Variants in INPP5D observed in about 807,000 individuals in gnomAD.
INPP5D encodes phosphatidylinositol 3,4,5-trisphosphate 5-phosphatase 1.
Under a neutral mutation model 122.9 loss-of-function variants are expected in INPP5D, and 33 were observed. That is an observed-to-expected ratio of 0.27 (90% CI 0.20 to 0.36). The LOEUF is 0.36. INPP5D is among the 10% of genes least tolerant of loss of function. The pLI is 1.00. For missense variants in INPP5D, 1,053 were observed against 1,412.7 expected, an observed-to-expected ratio of 0.75 and a Z score of 4.08; for synonymous variants, 584 against 576.2, an observed-to-expected ratio of 1.01 and a Z score of -0.19.
chr2:233,090,011 C>T lies in INPP5D; in HGVS notation c.198+10613C>T, dbSNP rs1466894079. Among the ~76,000 whole-genome samples, 6 of 152,202 alleles carry T rather than the reference C, an allele frequency of 3.9e-5. 1 individual carries two copies. Among genetic ancestry groups the T allele is most frequent in the Admixed American group, 3.3e-4 (5 of 15,288 alleles). ...TCCCCCCGCCCAGCGTCCACATCCT[C>T]GCATTGTGGGGTGGTAGGCGACCCG... On this transcript the variant is annotated intron_variant, in intron 2 of 26. Transcript: ENST00000445964.
Position 233,201,011 on chromosome 2 carries a change from G to A in INPP5D, c.2975+2635G>A, listed in dbSNP as rs372743446. On this transcript the variant is annotated intron_variant, in intron 25 of 26. Coordinates refer to ENST00000445964, the MANE Select transcript of INPP5D (RefSeq NM_001017915.3). Reference sequence around the variant, plus strand: ...AAATAAATAAATAAATAAATAAATAGATGAGAGGAAGTCAGGAAGAGAGAG... The same window carrying A: ...AAATAAATAAATAAATAAATAAATAAATGAGAGGAAGTCAGGAAGAGAGAG... Among the ~76,000 whole-genome samples, 446 of 135,986 alleles carry A rather than the reference G, an allele frequency of 3.3e-3. 3 individuals are homozygous for A. Among genetic ancestry groups the A allele is most frequent in the Non-Finnish European group, 4.4e-3 (273 of 61,454 alleles). The allele number at this position is 135,986 out of a possible 152,430, so 89.2% of individuals were successfully genotyped here. A position where few individuals can be genotyped will look rare whatever the true frequency, so the allele number is the denominator to read the frequency against.
chr2:233,169,970 C>G, intron 14 of INPP5D, 56 bp from the exon 15 acceptor site: 1 of 1,610,366 alleles, frequency 6.2e-7, no homozygotes, highest in Non-Finnish European at 8.5e-7. Context: ...CTTCCTGCCA[C>G]AGTGGAGGGG....
chr2:233,130,751 C>G (rs1030139149), intron 5 of INPP5D, 103 bp downstream of exon 5: 3 of 1,190,030 alleles, frequency 2.5e-6, no homozygotes, highest in Admixed American at 1.9e-5. Flanking sequence ...ACAAATGCCT[C>G]TGCCGCACTC....
intron 13 of INPP5D, among the ~76,000 whole-genome samples, chr2:233,166,944 A>G (rs1316686431): frequency 3.3e-5 from 5 of 151,826 alleles, no homozygotes. Flanking sequence ...AGATCATGCC[A>G]CTGCACTCCA....
intron 2 of INPP5D, among the ~76,000 whole-genome samples, chr2:233,101,871 C>A (rs1407865129): frequency 1.3e-5 from 2 of 151,250 alleles, no homozygotes. Context: ...TTCTACCTGC[C>A]TGGTCTGCTT....
chr2:233,147,429 C>T, intron 8 of INPP5D, 42 bp from the exon 9 acceptor site: 1 of 700,772 alleles, frequency 1.4e-6, no homozygotes, highest in Non-Finnish European at 2.6e-6. Context: ...TGCAAAAGCC[C>T]AGGCAGAAAA....
At chr2:233,114,632 C>T (rs962363535) in intron 2 of INPP5D, among the ~76,000 whole-genome samples, 9 of 152,146 alleles carry the variant, frequency 5.9e-5, no homozygotes, top group African/African-American at 1.4e-4. Context: ...CAGTGGGCTC[C>T]GAGACCTGGA....
At chr2:233,158,542 A>G (rs1007612406) in intron 10 of INPP5D, 123 bp downstream of exon 10, 2 of 540,548 alleles carry the variant, frequency 3.7e-6, no homozygotes, top group Non-Finnish European at 6.6e-6. Flanking sequence ...AACCCATTTC[A>G]CACCTGGGAA....
chr2:233,137,097 A>ATTG (rs2106269679), intron 5 of INPP5D, among the ~76,000 whole-genome samples: 1 of 152,360 alleles, frequency 6.6e-6, no homozygotes, highest in South Asian at 2.1e-4. Flanking sequence ...TTAAATCCAA[A>ATTG]AAGCTAATCA....
chr2:233,095,203 A>T (rs116334683), intron 2 of INPP5D, among the ~76,000 whole-genome samples: 189 of 152,302 alleles, frequency 1.2e-3, no homozygotes, highest in Non-Finnish European at 2.2e-3. Context: ...TTGTTGTAGG[A>T]TAGTTTTTGG....
intron 1 of INPP5D, among the ~76,000 whole-genome samples, chr2:233,070,628 A>G (rs1691353499): frequency 6.6e-6 from 1 of 151,944 alleles, no homozygotes; most frequent in Non-Finnish European, 1.5e-5. Flanking sequence ...TTTTTAGTAG[A>G]GACGGGGTCT....
At chr2:233,156,058 A>G (rs1241014058) in intron 9 of INPP5D, among the ~76,000 whole-genome samples, 3 of 152,258 alleles carry the variant, frequency 2.0e-5, no homozygotes, top group African/African-American at 7.2e-5. Flanking sequence ...ACACATGCAT[A>G]GGATGAAGTC....
chr2:233,153,736 A>T (rs1240443902), intron 9 of INPP5D, among the ~76,000 whole-genome samples: 1 of 152,192 alleles, frequency 6.6e-6, no homozygotes, highest in South Asian at 2.1e-4. Context: ...CTCCTTTGGC[A>T]GAAGATTGGA....
chr2:233,204,410 C>T lies in INPP5D; in HGVS notation c.3260C>T (p.Thr1087Met), dbSNP rs755227267. Reference sequence around the variant, plus strand: ...CCCGCGCCCCGGCTGCGCTCCTTCACGTGCTCATCCTCTGCCGAGGGCAGG... The same window carrying T: ...CCCGCGCCCCGGCTGCGCTCCTTCATGTGCTCATCCTCTGCCGAGGGCAGG... ...QVPAPRLRSF[T>M]CSSSAEGRAA... The change falls in exon 26 of 27, where the codon ACG (threonine) becomes ATG (methionine). Residue 1087 changes from threonine to methionine, a missense_variant. Around this residue, in one of 6 missense-constraint regions of INPP5D, gnomAD observed 417 missense variants for 425.8 expected, o/e 0.98. Transcript: ENST00000445964. 1 of 1,610,256 alleles carries T rather than the reference C, an allele frequency of 6.2e-7. No individual in the cohort carries two copies.
chr2:233,087,310 ATATTATATTTATT>A (rs917902604), intron 2 of INPP5D, among the ~76,000 whole-genome samples: 1 of 151,696 alleles, frequency 6.6e-6, no homozygotes, highest in African/African-American at 2.4e-5. Flanking sequence ...ACCTGATTTT[ATATTATATTTATT>A]TATTTATTTA....
At chr2:233,200,188 C>T (rs1326619865) in intron 25 of INPP5D, among the ~76,000 whole-genome samples, 1 of 152,226 alleles carries the variant, frequency 6.6e-6, no homozygotes, top group African/African-American at 2.4e-5. Flanking sequence ...CCGGGCTACG[C>T]AGCCGAGGAA....
intron 2 of INPP5D, among the ~76,000 whole-genome samples, chr2:233,081,814 C>T (rs1347049558): frequency 6.6e-6 from 1 of 152,040 alleles, no homozygotes; most frequent in African/African-American, 2.4e-5. Context: ...CTCTGTGGGG[C>T]CGCTCTTCCC....
In INPP5D at chr2:233,204,172, G is replaced by A; in HGVS notation, c.3022G>A (p.Asp1008Asn). Residue 1008 changes from aspartate (D) to asparagine (N), a missense_variant, in exon 26 of 27, where the codon GAC becomes AAC. Physicochemically the swap from Asp to Asn is conservative, Grantham distance 23. Coordinates refer to ENST00000445964, the MANE Select transcript of INPP5D (RefSeq NM_001017915.3). ...CGCAGGGGACACGCTGCCTCAGGAG[G>A]ACCTGCCGCTGACGAAGCCCGAGAT... ...KNAGDTLPQE[D>N]LPLTKPEMFE... 6.2e-7 allele frequency: 1 copy of A among 1,600,912 alleles called. No homozygotes were observed. The highest frequency in any genetic ancestry group is 1.3e-5 in the African/African-American group (1 of 74,684).
At chr2:233,083,629 C>T (rs1176310053) in intron 2 of INPP5D, among the ~76,000 whole-genome samples, 3 of 152,178 alleles carry the variant, frequency 2.0e-5, no homozygotes, top group Admixed American at 6.5e-5. Flanking sequence ...CTAAGAGAAG[C>T]GGTGCCTATC....
Sources: gnomAD v4.1 joint callset for allele counts (sites outside exome capture counted in the v4.1 genomes callset) on GRCh38, gnomAD v4.1.1 for gene constraint, gnomAD v4.1.1 regional missense constraint, MANE v1.5 for transcripts, NCBI Gene and HGNC (gene_info 2026-07-23, HGNC 2026-07-21) for gene names.